ARHGEF33: variants seen among roughly 807,000 people sequenced by gnomAD.
ARHGEF33 encodes Rho guanine nucleotide exchange factor 33.
A neutral mutation model predicts 101.9 loss-of-function variants in ARHGEF33; 72 were observed. The ratio of observed to expected loss-of-function variants is 0.71; its 90% confidence interval spans 0.58 to 0.86. The LOEUF (loss-of-function observed/expected upper bound fraction) is 0.86, where lower values mean the gene tolerates loss of function less well. Among genes scored for constraint, ARHGEF33 ranks in the 40% least tolerant of loss-of-function variants. The pLI, the probability that ARHGEF33 is intolerant of heterozygous loss-of-function variation, is 0.00. For synonymous variants in ARHGEF33, 499 were observed against 442.5 expected (o/e 1.13, Z -1.60); for missense variants, 1,169 against 1,111.3 (o/e 1.05, Z -0.74).
intron 16 of ARHGEF33, 130 bp downstream of exon 16, chr2:38,960,778 G>GTT: frequency 1.3e-6 from 1 of 759,636 alleles, no homozygotes; most frequent in Non-Finnish European, 1.7e-6. Context: ...TGCGCGAGCC[G>GTT]TCGGCGGGTG....
intron 16 of ARHGEF33, among the ~76,000 whole-genome samples, chr2:38,962,512 A>G (rs996878661): frequency 6.6e-6 from 1 of 152,150 alleles, no homozygotes; most frequent in African/African-American, 2.4e-5. Flanking sequence ...AGGAACCGTT[A>G]ATTGCACATA....
chr2:38,952,815 C>T (rs1316855025), intron 11 of ARHGEF33, among the ~76,000 whole-genome samples: 1 of 152,094 alleles, frequency 6.6e-6, no homozygotes, highest in Non-Finnish European at 1.5e-5. Flanking sequence ...TCTCCTACCT[C>T]AGCCTCCTGA....
chr2:38,900,271 G>A (rs1473089875), intron 2 of ARHGEF33, among the ~76,000 whole-genome samples: 1 of 152,158 alleles, frequency 6.6e-6, no homozygotes, highest in Admixed American at 6.5e-5. Context: ...AATGCAGTTT[G>A]AGAATGTAGC....
In ARHGEF33 at chr2:38,931,130, C is replaced by T. The variant is rs1006349240; in HGVS notation, c.384C>T (p.His128=). 11 of 1,549,214 alleles carry T rather than the reference C, an allele frequency of 7.1e-6. No homozygotes were observed. In the African/African-American group the frequency reaches 1.4e-4, roughly 19 times the overall value. Residue 128 remains histidine (H), a synonymous_variant, in exon 7 of 18, where the codon CAC becomes CAT. Transcript: ENST00000409978. ...CTAGGAAAACTCAAAAAGAAGAGCACAGCTCACAGGCCGGGCCTGCCCAAG... is the reference window on the plus strand; with the variant it reads ...CTAGGAAAACTCAAAAAGAAGAGCATAGCTCACAGGCCGGGCCTGCCCAAG... ...VKAKKTQKEE[H]SSQAGPAQAQ... is the part of the protein sequence containing the mutation.
intron 1 of ARHGEF33, among the ~76,000 whole-genome samples, chr2:38,894,044 C>A (rs184111808): frequency 4.2e-4 from 64 of 152,246 alleles, no homozygotes; most frequent in African/African-American, 1.4e-3. Context: ...TCGTTCTTGC[C>A]AGGCTGGCTC....
intron 17 of ARHGEF33, among the ~76,000 whole-genome samples, chr2:38,967,656 G>T (rs935443975): frequency 7.9e-5 from 12 of 151,944 alleles, no homozygotes; most frequent in African/African-American, 2.9e-4. Flanking sequence ...GTTCACTGCA[G>T]CCTCTGCCTC....
At chr2:38,929,119 G>A (rs987195688) in intron 5 of ARHGEF33, 48 bp downstream of exon 5, 1 of 1,450,934 alleles carries the variant, frequency 6.9e-7, no homozygotes, top group South Asian at 1.3e-5. Context: ...TTTGGTCTCA[G>A]TAACAGCAAT....
rs1182226515 is a variant in ARHGEF33, at chr2:38,937,328, C to G, written c.566-7C>G. ...TTGTTTCCCCGCCCCTCCCCCCACC[C>G]CACCAGGAGTGAACCCAACAACTCC... On this transcript the variant is annotated splice_region_variant and splice_polypyrimidine_tract_variant and intron_variant, in intron 8 of 17. Transcript: ENST00000409978. 4.2e-6 allele frequency: 2 copies of G among 477,638 alleles called. No homozygotes were observed. The highest frequency in any genetic ancestry group is 7.2e-5 in the Admixed American group (2 of 27,906). 29.6% of individuals were successfully genotyped at this position (477,638 alleles called of 1,614,324 possible). A position where few individuals can be genotyped will look rare whatever the true frequency, so the allele number is the denominator to read the frequency against.
At chr2:38,935,361 T>C (rs1209633603) in intron 7 of ARHGEF33, among the ~76,000 whole-genome samples, 3 of 146,802 alleles carry the variant, frequency 2.0e-5, no homozygotes, top group Non-Finnish European at 4.5e-5. Context: ...CTGGGTTTTT[T>C]TGGGGGGAGG....
chr2:38,960,630 C>T lies in ARHGEF33; in HGVS notation c.2325C>T (p.Thr775=), dbSNP rs1462859951. Residue 775 remains threonine, a synonymous_variant, in exon 16 of 18, where the codon ACC becomes ACT. Transcript: ENST00000409978. ...AGAGGTCCCAAAGCGAAAAACAGACCTATTTGGAAGTAAGGAGGGTAAAGT... is the reference window on the plus strand; with the variant it reads ...AGAGGTCCCAAAGCGAAAAACAGACTTATTTGGAAGTAAGGAGGGTAAAGT... The part of the protein sequence containing the change: ...PQQRSQSEKQ[T]YLEVRREMHL... The T allele has an allele frequency of 9.8e-6, 14 of 1,421,862 alleles. No individual in the cohort carries two copies. The highest frequency in any genetic ancestry group is 1.3e-5 in the Non-Finnish European group (14 of 1,073,152). The allele number at this position is 1,421,862 out of a possible 1,614,324, so 88.1% of individuals were successfully genotyped here.
intron 2 of ARHGEF33, among the ~76,000 whole-genome samples, chr2:38,900,205 A>G (rs1280069746): frequency 3.9e-5 from 6 of 152,172 alleles, no homozygotes; most frequent in African/African-American, 7.2e-5. Context: ...CTAAAAATAA[A>G]TAAGTAAATA....
chr2:38,963,563 G>C (rs1385292398), intron 16 of ARHGEF33, among the ~76,000 whole-genome samples: 1 of 152,164 alleles, frequency 6.6e-6, no homozygotes, highest in Non-Finnish European at 1.5e-5. Context: ...GGCCAAAGAA[G>C]ATACAATTTT....
intron 15 of ARHGEF33, chr2:38,959,499 T>C (rs1423156273): frequency 2.7e-5 from 6 of 224,664 alleles, no homozygotes; most frequent in Non-Finnish European, 5.2e-5. Context: ...ATGACTCTGC[T>C]AGGGCAAGCA....
intron 17 of ARHGEF33, among the ~76,000 whole-genome samples, chr2:38,972,451 T>A (rs775125753): frequency 3.3e-5 from 5 of 152,130 alleles, no homozygotes; most frequent in Non-Finnish European, 5.9e-5. Flanking sequence ...TTTTCCTCTC[T>A]GCACTGGGAT....
At position 38,973,859 on chromosome 2, in the gene ARHGEF33, G is replaced by A. The variant is rs1668217917; in HGVS notation, c.*16G>A. 1 of 1,535,244 alleles carries A rather than the reference G, an allele frequency of 6.5e-7. No homozygotes were observed. Among genetic ancestry groups the A allele is most frequent in the Non-Finnish European group, 8.8e-7 (1 of 1,139,254 alleles). ...AGCTGTGTAAAACATACTTAAAGTT[G>A]TATTGTCAAGTGGTAAGATGAGGAT... On this transcript the variant is annotated 3_prime_UTR_variant, in exon 18 of 18. Coordinates refer to ENST00000409978, the MANE Select transcript of ARHGEF33 (RefSeq NM_001145451.5).
intron 16 of ARHGEF33, among the ~76,000 whole-genome samples, chr2:38,965,132 C>G (rs1668026170): frequency 6.6e-6 from 1 of 151,846 alleles, no homozygotes; most frequent in Non-Finnish European, 1.5e-5. Context: ...TTTAGGGCAT[C>G]ATTGGTGTGG....
chr2:38,935,987 A>G (rs1255807112), intron 8 of ARHGEF33, among the ~76,000 whole-genome samples, 153 bp downstream of exon 8: 2 of 152,262 alleles, frequency 1.3e-5, no homozygotes, highest in African/African-American at 2.4e-5. Context: ...CAAGATGTGT[A>G]CTAGAGCAGG....
At chr2:38,932,237 C>A (rs1667023743) in intron 7 of ARHGEF33, among the ~76,000 whole-genome samples, 1 of 152,098 alleles carries the variant, frequency 6.6e-6, no homozygotes, top group Non-Finnish European at 1.5e-5. Context: ...ATTCTCCCAC[C>A]TTTGCCTCTG....
chr2:38,900,482 A>G (rs1216987250), intron 2 of ARHGEF33, among the ~76,000 whole-genome samples: 1 of 152,268 alleles, frequency 6.6e-6, no homozygotes, highest in Non-Finnish European at 1.5e-5. Context: ...CTGCACATGT[A>G]TATCACATAT....
Sources: gnomAD v4.1 joint callset for allele counts (sites outside exome capture counted in the v4.1 genomes callset) on GRCh38, gnomAD v4.1.1 for gene constraint, MANE v1.5 for transcripts, NCBI Gene and HGNC (gene_info 2026-07-23, HGNC 2026-07-21) for gene names.